The following ZBTB4 variants were observed in gnomAD, a reference collection of about 807,000 sequenced individuals.
ZBTB4 encodes zinc finger and BTB domain containing 4, also known as zinc finger and BTB domain-containing protein 4.
ZBTB4 carries 14 observed loss-of-function variants against 59.8 expected under a neutral mutation model. The ratio of observed to expected loss-of-function variants is 0.23; its 90% confidence interval spans 0.15 to 0.37. The LOEUF is 0.37. Ranked by LOEUF, ZBTB4 falls within the 10% of genes least tolerant of loss-of-function variation. The pLI is 1.00. For missense variants in ZBTB4, 1,198 were observed against 1,380.8 expected, an observed-to-expected ratio of 0.87 and a Z score of 2.10; for synonymous variants, 587 against 575.2, an observed-to-expected ratio of 1.02 and a Z score of -0.29.
intron 1 of ZBTB4, among the ~76,000 whole-genome samples, chr17:7,477,944 G>A (rs2070291117): frequency 6.6e-6 from 1 of 152,066 alleles, no homozygotes. Context: ...GATTAGCTGG[G>A]CCATCTGACA....
At chr17:7,477,411 C>T (rs1407871236) in intron 1 of ZBTB4, among the ~76,000 whole-genome samples, 7 of 152,210 alleles carry the variant, frequency 4.6e-5, no homozygotes, top group Admixed American at 2.0e-4. Flanking sequence ...TTCACCAGAC[C>T]GTCACTGTGC....
chr17:7,476,878 C>T (rs2070275826), intron 1 of ZBTB4, among the ~76,000 whole-genome samples: 1 of 152,156 alleles, frequency 6.6e-6, no homozygotes, highest in East Asian at 1.9e-4. Context: ...ACAGAAAGGA[C>T]CATCCACTGA....
chr17:7,479,298 G>C (rs886806793), intron 1 of ZBTB4, among the ~76,000 whole-genome samples, 158 bp downstream of exon 1: 1 of 151,858 alleles, frequency 6.6e-6, no homozygotes, highest in African/African-American at 2.4e-5. Flanking sequence ...GCGGGGCCAG[G>C]CTCAGCCCCC....
In ZBTB4 at chr17:7,461,861, C is replaced by A; in HGVS notation, c.*79G>T. 7.5e-7 allele frequency: 1 copy of A among 1,333,632 alleles called. No homozygotes were observed. Among genetic ancestry groups the A allele is most frequent in the Non-Finnish European group, 1.0e-6 (1 of 974,318 alleles). 82.6% of individuals were successfully genotyped at this position (1,333,632 alleles called of 1,614,324 possible). ...AGAGTGTGAAGGGGCTCCCAAGGGG[C>A]AGGGAGGCCAGGGAGCTGGTAGTGG... On this transcript the variant is annotated 3_prime_UTR_variant, in exon 4 of 4. Transcript: ENST00000380599.
chr17:7,477,983 C>A (rs371828420), intron 1 of ZBTB4, among the ~76,000 whole-genome samples: 1 of 152,106 alleles, frequency 6.6e-6, no homozygotes, highest in Non-Finnish European at 1.5e-5. Flanking sequence ...GGCCTCCATG[C>A]GCTACCCTGC....
upstream of ZBTB4, among the ~76,000 whole-genome samples, chr17:7,481,010 T>A (rs1331931818): frequency 9.2e-5 from 14 of 151,822 alleles, no homozygotes; most frequent in Non-Finnish European, 2.1e-4. Flanking sequence ...AAATAAAAAA[T>A]TAGCGGGGTG....
upstream of ZBTB4, among the ~76,000 whole-genome samples, chr17:7,480,771 T>A (rs2070334988): frequency 6.6e-6 from 1 of 151,328 alleles, no homozygotes; most frequent in Admixed American, 6.6e-5. Flanking sequence ...AAGATATAAA[T>A]AAACAAATTA....
In ZBTB4 at chr17:7,471,287, G is replaced by A. The variant is rs529502520; in HGVS notation, c.-80-3960C>T. On this transcript the variant is annotated intron_variant, in intron 1 of 3. Transcript: ENST00000380599. The stretch of plus-strand genomic sequence containing the variant: ...CAGCCTGGACCTCCTGGAATCAAAT[G>A]ATCCTCCTGCCTCAGCCTCCGGAGT... 5.3e-4 allele frequency among the ~76,000 whole-genome samples: 80 copies of A among 152,230 alleles called. 1 individual carries two copies. The highest frequency in any genetic ancestry group is 3.4e-3 in the Middle Eastern group (1 of 294).
chr17:7,471,043 T>C (rs1364708291), intron 1 of ZBTB4, among the ~76,000 whole-genome samples: 2 of 152,280 alleles, frequency 1.3e-5, no homozygotes, highest in Middle Eastern at 3.4e-3. Flanking sequence ...GGGCTATGCA[T>C]GTGTGACCGT....
rs1214774925 is a variant in ZBTB4, at chr17:7,479,616, C to CGCCGCT, written c.-247_-242dup. 6.0e-6 allele frequency: 1 copy of CGCCGCT among 167,174 alleles called. No homozygotes were observed. The highest frequency in any genetic ancestry group is 2.4e-5 in the African/African-American group (1 of 41,234). The allele number at this position is 167,174 out of a possible 1,614,324, so 10.4% of individuals were successfully genotyped here. A position where few individuals can be genotyped will look rare whatever the true frequency, so the allele number is the denominator to read the frequency against. On this transcript the variant is annotated 5_prime_UTR_variant, in exon 1 of 4. Transcript: ENST00000380599. ...CCGGCCCCGCTGCCGCCGCCGCCGC[C>CGCCGCT]GCCGCTGACATCATCGGCTCCCCCC...
In ZBTB4 at chr17:7,463,254, G is replaced by A. The variant is rs373767560; in HGVS notation, c.1728C>T (p.Gly576=). 36 of 1,611,718 alleles carry A rather than the reference G, an allele frequency of 2.2e-5. No homozygotes were observed. Among genetic ancestry groups the A allele is most frequent in the Admixed American group, 1.0e-4 (6 of 59,752 alleles). Residue 576 remains glycine, a synonymous_variant, in exon 4 of 4, where the codon GGC becomes GGT. Transcript: ENST00000380599. ...RTLTYTAKPV[G]GIGGGGGPPT... ...GGGGACCCCCACCTCCACCAATCCC[G>A]CCCACTGGCTTGGCTGTGTAAGTCA...
upstream of ZBTB4, chr17:7,482,112 C>T (rs1417468912): frequency 1.2e-6 from 2 of 1,614,184 alleles, no homozygotes; most frequent in East Asian, 2.2e-5. Flanking sequence ...CTGCTGGTGG[C>T]CCTGCTGGGT....
At chr17:7,471,790 A>G (rs1350996256) in intron 1 of ZBTB4, among the ~76,000 whole-genome samples, 1 of 152,194 alleles carries the variant, frequency 6.6e-6, no homozygotes, top group Non-Finnish European at 1.5e-5. Context: ...ACAACTGGCA[A>G]TATTTAGTTT....
chr17:7,463,503 C>T lies in ZBTB4; in HGVS notation c.1479G>A (p.Gly493=), dbSNP rs774782598. ...VHGGSSSGGG[G]SGTASTGGSQ... ...ACCCTCCTGTGCTGGCCGTCCCACTCCCCCCTCCACCACTGCTACTGCCCC... is the reference window on the plus strand; with the variant it reads ...ACCCTCCTGTGCTGGCCGTCCCACTTCCCCCTCCACCACTGCTACTGCCCC... The change falls in exon 4 of 4, where the codon GGG becomes GGA. Residue 493 remains glycine, a synonymous_variant. Coordinates refer to ENST00000380599, the MANE Select transcript of ZBTB4 (RefSeq NM_001128833.2). The T allele has an allele frequency of 6.4e-7, 1 of 1,553,588 alleles. No individual in the cohort carries two copies. Among genetic ancestry groups the T allele is most frequent in the South Asian group, 1.2e-5 (1 of 82,084 alleles).
rs751588728 is a variant in ZBTB4 at position 7,462,008 on chromosome 17, G to A, written c.2974C>T (p.Pro992Ser). The A allele has an allele frequency of 1.1e-5, 18 of 1,603,110 alleles. No homozygotes were observed. The East Asian group carries it at 2.5e-4, about 22-fold the overall frequency. Residue 992 changes from proline to serine, a missense_variant, in exon 4 of 4, where the codon CCA (proline) becomes TCA (serine). Pro to Ser is a moderately conservative substitution (Grantham distance 74, BLOSUM62 -1). Around this residue, in one of 9 missense-constraint regions of ZBTB4, gnomAD observed 211 missense variants for 236.1 expected, o/e 0.89. Coordinates refer to ENST00000380599, the MANE Select transcript of ZBTB4 (RefSeq NM_001128833.2). The surrounding 1 kb of genome is among the most constrained non-coding windows in gnomAD (Gnocchi z 7.5). ...PTPPPPTLPP[P>S]IPPKGEGERA... is the part of the protein sequence containing the mutation. ...TCCCCTTCTCCCTTAGGGGGAATTG[G>A]TGGAGGAAGAGTTGGGGGAGGTGGT...
In ZBTB4 at chr17:7,465,934, C is replaced by T. The variant is rs1168008825; in HGVS notation, c.868G>A (p.Val290Met). ...GVDASALPPP[V>M]GFRGGPEHVV... ...TGCTCGGGGCCCCCTCGGAAGCCCA[C>T]TGGTGGAGGCAGGGCTGAGGCGTCC... Residue 290 changes from valine (V) to methionine (M), a missense_variant, in exon 3 of 4, where the codon GTG (valine) becomes ATG (methionine). This residue lies in a region of ZBTB4 where 204 missense variants were observed against 205.5 expected (regional missense o/e 0.99). Transcript: ENST00000380599. 3 of 1,608,494 alleles carry T rather than the reference C, an allele frequency of 1.9e-6. No homozygotes were observed. The African/African-American group carries it at 4.0e-5, about 21-fold the overall frequency.
At chr17:7,474,295 A>G (rs934259656) in intron 1 of ZBTB4, among the ~76,000 whole-genome samples, 4 of 146,084 alleles carry the variant, frequency 2.7e-5, no homozygotes, top group Non-Finnish European at 5.9e-5. Context: ...AGCTCCCTGC[A>G]GCCTTGACCT....
intron 1 of ZBTB4, among the ~76,000 whole-genome samples, chr17:7,471,901 T>A (rs1186382233): frequency 1.3e-5 from 2 of 152,124 alleles, no homozygotes; most frequent in African/African-American, 4.8e-5. Context: ...TTTTAGAGTT[T>A]TTTATTTGTT....
At chr17:7,470,691 C>T (rs1300864761) in intron 1 of ZBTB4, among the ~76,000 whole-genome samples, 2 of 152,132 alleles carry the variant, frequency 1.3e-5, no homozygotes, top group East Asian at 1.9e-4. Context: ...AATGAAACTT[C>T]GTCTCAAAAT....
Sources: gnomAD v4.1 joint callset for allele counts (sites outside exome capture counted in the v4.1 genomes callset) on GRCh38, gnomAD v4.1.1 for gene constraint, gnomAD v4.1.1 regional missense constraint, Gnocchi (gnomAD v3.1) non-coding constraint, MANE v1.5 for transcripts, NCBI Gene and HGNC (gene_info 2026-07-23, HGNC 2026-07-21) for gene names.